The following KIF16B variants were observed in gnomAD, a reference collection of about 807,000 sequenced individuals.
KIF16B encodes kinesin family member 16B, also known as kinesin-like protein KIF16B.
KIF16B carries 98 observed loss-of-function variants against 156.3 expected under a neutral mutation model. The ratio of observed to expected loss-of-function variants is 0.63; its 90% confidence interval spans 0.53 to 0.74. The LOEUF is 0.74. Ranked by LOEUF, KIF16B falls within the 30% of genes least tolerant of loss-of-function variation. The pLI, the probability that KIF16B is intolerant of heterozygous loss-of-function variation, is 0.00. For synonymous variants in KIF16B, 564 were observed against 583.7 expected, an observed-to-expected ratio of 0.97 and a Z score of 0.49; for missense variants, 1,421 against 1,606.5, an observed-to-expected ratio of 0.88 and a Z score of 1.97.
At chr20:16,536,459 T>C (rs770526284) in intron 1 of KIF16B, among the ~76,000 whole-genome samples, 96 of 152,294 alleles carry the variant, frequency 6.3e-4, no homozygotes, top group Non-Finnish European at 1.1e-3. Flanking sequence ...CAACAATGTA[T>C]TGTGGTTTTC....
intron 25 of KIF16B, among the ~76,000 whole-genome samples, chr20:16,309,516 AC>A (rs2063588923): frequency 6.6e-6 from 1 of 152,242 alleles, no homozygotes; most frequent in Admixed American, 6.5e-5. Flanking sequence ...AAATATTTTA[AC>A]AGACTTAACT....
At chr20:16,293,066 C>T (rs2063335544) in intron 25 of KIF16B, among the ~76,000 whole-genome samples, 2 of 152,040 alleles carry the variant, frequency 1.3e-5, no homozygotes, top group Admixed American at 1.3e-4. Context: ...AAGGACCAGA[C>T]CACGAGGTTC....
rs750177550 is a variant in KIF16B, at chr20:16,505,850, T to C, written c.872A>G (p.Asp291Gly). 3 of 1,613,606 alleles carry C rather than the reference T, an allele frequency of 1.9e-6. No individual in the cohort carries two copies. The highest frequency in any genetic ancestry group is 2.2e-5 in the East Asian group (1 of 44,848). Residue 291 changes from aspartate to glycine, a missense_variant, in exon 9 of 26, where the codon GAT becomes GGT. By Grantham distance (94) the Asp-to-Gly change is moderately conservative (BLOSUM62 -1). Coordinates refer to ENST00000354981, the MANE Select transcript of KIF16B (RefSeq NM_024704.5). ...AGTATTTGCAGCATCCTGAGATAAA[T>C]CAGCTATGAAAAGGAAGAAACAAAG... ...TLGNVISALA[D>G]LSQDAANTLA...
At chr20:16,455,819 C>T (rs78571109) in intron 12 of KIF16B, among the ~76,000 whole-genome samples, 5,182 of 152,122 alleles carry the variant, frequency 0.034, 127 homozygotes, top group Non-Finnish European at 0.053. Context: ...CTAAATGTAC[C>T]AGCCAATGCA....
intron 14 of KIF16B, among the ~76,000 whole-genome samples, chr20:16,427,881 A>G (rs1320800145): frequency 6.6e-6 from 1 of 152,182 alleles, no homozygotes; most frequent in Non-Finnish European, 1.5e-5. Context: ...ATGGTCAAAC[A>G]CAGATATGAA....
chr20:16,273,477 G>C, intron 25 of KIF16B, 66 bp from the exon 26 acceptor site: 1 of 1,407,878 alleles, frequency 7.1e-7, no homozygotes, highest in Non-Finnish European at 1.0e-6. Flanking sequence ...GATCGCTTGA[G>C]CTCAGGAGTT....
chr20:16,391,391 G>C (rs1175444106), intron 17 of KIF16B, among the ~76,000 whole-genome samples: 1 of 152,180 alleles, frequency 6.6e-6, no homozygotes. Context: ...TGGTCAACAT[G>C]CCAGGCACTA....
At chr20:16,533,545 T>C (rs1447070372) in intron 1 of KIF16B, among the ~76,000 whole-genome samples, 1 of 152,256 alleles carries the variant, frequency 6.6e-6, no homozygotes, top group Admixed American at 6.5e-5. Flanking sequence ...CTTTGTTCTT[T>C]GACTTTTAAA....
At chr20:16,390,478 G>A (rs1043171809) in intron 17 of KIF16B, among the ~76,000 whole-genome samples, 5 of 152,028 alleles carry the variant, frequency 3.3e-5, no homozygotes, top group South Asian at 2.1e-4. Context: ...CAATGAACTC[G>A]TACACACCCC....
chr20:16,406,278 C>A, intron 16 of KIF16B, 96 bp downstream of exon 16: 1 of 1,033,778 alleles, frequency 9.7e-7, no homozygotes, highest in Admixed American at 1.7e-5. Flanking sequence ...CGGTTCTGCA[C>A]CCCAGAAAGT....
At chr20:16,366,757 T>G in intron 22 of KIF16B, 1 of 901,984 alleles carries the variant, frequency 1.1e-6, no homozygotes, top group Non-Finnish European at 1.3e-6. Flanking sequence ...ACTGGGCACT[T>G]TTTCAGGCAG....
At position 16,573,420 on chromosome 20, in the gene KIF16B, G is replaced by T; in HGVS notation, c.-145C>A. 1 of 888,788 alleles carries T rather than the reference G, an allele frequency of 1.1e-6. No individual in the cohort carries two copies. The highest frequency in any genetic ancestry group is 1.7e-6 in the Non-Finnish European group (1 of 581,256). 55.1% of individuals were successfully genotyped at this position (888,788 alleles called of 1,614,324 possible). On this transcript the variant is annotated 5_prime_UTR_variant, in exon 1 of 26. Coordinates refer to ENST00000354981, the MANE Select transcript of KIF16B (RefSeq NM_024704.5). ...TCCCGGCCGGACCTGGAGTTCCGCG[G>T]CAGCCCCACCTGCCAGGCCACTGAG... is the stretch of plus-strand genomic sequence containing the variant.
rs149173716 is a variant in KIF16B at position 16,532,411 on chromosome 20, C to T, written c.48-3971G>A. Among the ~76,000 whole-genome samples the T allele has an allele frequency of 1.3e-3, 203 of 152,318 alleles. 1 individual carries two copies. The highest frequency in any genetic ancestry group is 4.6e-3 in the African/African-American group (193 of 41,572). On this transcript the variant is annotated intron_variant, in intron 1 of 25. Transcript: ENST00000354981. ...AGCAGATTCCCAGGGCCAAGTTTAA[C>T]ATTTCCAAGCCTGAAAAATGCTTCC...
chr20:16,383,795 T>G (rs1438097126), intron 17 of KIF16B, among the ~76,000 whole-genome samples: 1 of 152,230 alleles, frequency 6.6e-6, no homozygotes, highest in Non-Finnish European at 1.5e-5. Context: ...ATTTTTATTT[T>G]CTGTGAACAA....
intron 24 of KIF16B, among the ~76,000 whole-genome samples, chr20:16,323,711 C>T (rs888498991): frequency 1.3e-5 from 2 of 151,822 alleles, no homozygotes; most frequent in Non-Finnish European, 2.9e-5. Flanking sequence ...ATACTAGACC[C>T]TCCTGAAGTA....
At chr20:16,377,600 T>C (rs1201430440) in intron 19 of KIF16B, among the ~76,000 whole-genome samples, 3 of 151,804 alleles carry the variant, frequency 2.0e-5, no homozygotes, top group Admixed American at 2.0e-4. Context: ...ATCCTCTTCT[T>C]GTACAAGTGG....
intron 17 of KIF16B, among the ~76,000 whole-genome samples, chr20:16,382,698 A>AT (rs910010187): frequency 6.6e-6 from 1 of 151,872 alleles, no homozygotes; most frequent in African/African-American, 2.4e-5. Flanking sequence ...TTTCTTTTTA[A>AT]TTTTTTTTCA....
intron 23 of KIF16B, among the ~76,000 whole-genome samples, chr20:16,356,075 G>T (rs926078663): frequency 3.3e-5 from 5 of 152,074 alleles, no homozygotes; most frequent in African/African-American, 1.2e-4. Flanking sequence ...CTGGATGGTT[G>T]GTCACCCTAC....
rs539739252 is a variant in KIF16B at position 16,409,632 on chromosome 20, C to T, written c.1613-3176G>A. Among the ~76,000 whole-genome samples the T allele has an allele frequency of 3.8e-4, 57 of 151,690 alleles. No homozygotes were observed. In the South Asian group the frequency reaches 0.011, roughly 30 times the overall value. On this transcript the variant is annotated intron_variant, in intron 15 of 25. Transcript: ENST00000354981. ...GGCTCTGGACTGGGGGAAAGGGTTA[C>T]CAAAGCAGAGAAGTAAAACAAAACT...
Sources: allele counts gnomAD v4.1 joint callset (sites outside exome capture counted in the v4.1 genomes callset), GRCh38; gene constraint gnomAD v4.1.1; transcripts MANE v1.5; gene names NCBI Gene and HGNC (gene_info 2026-07-23, HGNC 2026-07-21).